Variants in DCDC1 observed in about 807,000 individuals in gnomAD.
DCDC1 encodes doublecortin domain-containing protein 1.
DCDC1 carries 200 observed loss-of-function variants against 178.3 expected under a neutral mutation model. The observed-to-expected ratio is 1.12, with a 90% CI of 1.00 to 1.26. The LOEUF is 1.26. Ranked by LOEUF, DCDC1 falls within the 50% of genes most tolerant of loss-of-function variation. The probability of loss-of-function intolerance (pLI) is 0.00; values close to 1 mark genes in which losing one functional copy is unlikely to be tolerated. For synonymous variants in DCDC1, 690 were observed against 604.8 expected (o/e 1.14, Z -2.07); for missense variants, 1,983 against 1,749.2 (o/e 1.13, Z -2.38).
chr11:31,186,510 T>G (rs1190441592), intron 9 of DCDC1, among the ~76,000 whole-genome samples: 1 of 152,180 alleles, frequency 6.6e-6, no homozygotes, highest in African/African-American at 2.4e-5. Flanking sequence ...AGCCATAGCC[T>G]TGCTTTCTTT....
At chr11:31,180,735 G>A (rs1342829954) in intron 9 of DCDC1, among the ~76,000 whole-genome samples, 2 of 152,076 alleles carry the variant, frequency 1.3e-5, no homozygotes, top group Non-Finnish European at 2.9e-5. Flanking sequence ...AGGTGCCTAC[G>A]CCACCAGGAC....
chr11:31,200,275 T>A (rs1971134614), intron 9 of DCDC1, among the ~76,000 whole-genome samples: 1 of 152,222 alleles, frequency 6.6e-6, no homozygotes, highest in East Asian at 1.9e-4. Flanking sequence ...TCTTCAGGAT[T>A]GAAATTTTAC....
chr11:31,019,993 A>G (rs1488054982), intron 20 of DCDC1, among the ~76,000 whole-genome samples: 1 of 151,706 alleles, frequency 6.6e-6, no homozygotes, highest in East Asian at 1.9e-4. Context: ...TCTTCATCCC[A>G]TCTCCCTTTC....
At chr11:31,164,205 A>C (rs1966576098) in intron 9 of DCDC1, among the ~76,000 whole-genome samples, 1 of 152,324 alleles carries the variant, frequency 6.6e-6, no homozygotes, top group East Asian at 1.9e-4. Context: ...TTTGATCAAC[A>C]GAACACATGT....
chr11:31,022,383 G>C (rs375647991), intron 20 of DCDC1, among the ~76,000 whole-genome samples: 1 of 151,972 alleles, frequency 6.6e-6, no homozygotes, highest in East Asian at 1.9e-4. Flanking sequence ...TTCTTCAAAG[G>C]ACACCAGTCG....
chr11:31,005,501 A>G (rs2135064335), intron 20 of DCDC1, among the ~76,000 whole-genome samples: 1 of 152,278 alleles, frequency 6.6e-6, no homozygotes, highest in South Asian at 2.1e-4. Flanking sequence ...CCTTTCAGCC[A>G]TTTCCATTCA....
intron 9 of DCDC1, among the ~76,000 whole-genome samples, chr11:31,186,877 G>A (rs1416720370): frequency 6.6e-6 from 1 of 152,168 alleles, no homozygotes. Flanking sequence ...TCTGTGGCCA[G>A]TTTGGTAATG....
At chr11:31,334,446 G>A (rs1950168075) in intron 2 of DCDC1, among the ~76,000 whole-genome samples, 2 of 152,180 alleles carry the variant, frequency 1.3e-5, no homozygotes, top group Non-Finnish European at 2.9e-5. Flanking sequence ...GCGATGCTTT[G>A]GAGGAGAAGA....
rs116454484 is a variant in DCDC1 at position 31,177,203 on chromosome 11, C to T, written c.1222-39419G>A. Among the ~76,000 whole-genome samples the T allele has an allele frequency of 5.3e-3, 810 of 151,828 alleles. 4 individuals are homozygous for T. Among genetic ancestry groups the T allele is most frequent in the African/African-American group, 0.019 (772 of 41,406 alleles). On this transcript the variant is annotated intron_variant, in intron 9 of 38. Transcript: ENST00000684477. ...TAGAATATTTTTATGAGACCAAAGG[C>T]GATTTGCTTTCAGGTTTAAACAATC...
At chr11:31,154,197 G>T (rs1207481574) in intron 9 of DCDC1, among the ~76,000 whole-genome samples, 5 of 152,136 alleles carry the variant, frequency 3.3e-5, no homozygotes, top group African/African-American at 9.7e-5. Context: ...AGGCCTCCCT[G>T]GCCATGCTTC....
chr11:31,264,851 A>C (rs1945036269), intron 8 of DCDC1, among the ~76,000 whole-genome samples: 1 of 152,114 alleles, frequency 6.6e-6, no homozygotes. Flanking sequence ...CTCTTCTCCA[A>C]ATACTTTATT....
intron 27 of DCDC1, among the ~76,000 whole-genome samples, chr11:30,914,650 A>G (rs868491304): frequency 0.013 from 1,947 of 150,046 alleles, 32 homozygotes; most frequent in African/African-American, 0.046. Context: ...AAAAAAAAAA[A>G]AAAGAGAGAG....
chr11:30,891,353 A>G (rs924370562), intron 36 of DCDC1, among the ~76,000 whole-genome samples: 3 of 152,180 alleles, frequency 2.0e-5, no homozygotes, highest in Non-Finnish European at 4.4e-5. Context: ...TATATGCTAC[A>G]CCAGAGTCAC....
chr11:30,950,513 C>T (rs900330568), intron 21 of DCDC1, among the ~76,000 whole-genome samples: 1 of 152,090 alleles, frequency 6.6e-6, no homozygotes, highest in African/African-American at 2.4e-5. Context: ...TAAAGTATTT[C>T]AGCCATAAAA....
chr11:30,986,921 G>C (rs1324300380), intron 20 of DCDC1, among the ~76,000 whole-genome samples: 1 of 152,120 alleles, frequency 6.6e-6, no homozygotes, highest in African/African-American at 2.4e-5. Flanking sequence ...TCTTTCTGAA[G>C]TGACCTAGTG....
chr11:31,028,695 T>C (rs1001580803), intron 20 of DCDC1, among the ~76,000 whole-genome samples: 4 of 152,006 alleles, frequency 2.6e-5, no homozygotes, highest in African/African-American at 4.8e-5. Flanking sequence ...GAAATAAACA[T>C]ACAAGATTGT....
At chr11:31,275,691 A>T (rs1166527851) in intron 7 of DCDC1, among the ~76,000 whole-genome samples, 2 of 152,178 alleles carry the variant, frequency 1.3e-5, no homozygotes, top group Admixed American at 1.3e-4. Context: ...TTTAGTAGAG[A>T]CAGGGTTTCT....
At chr11:31,062,194 G>C (rs1338577354) in intron 20 of DCDC1, among the ~76,000 whole-genome samples, 1 of 152,040 alleles carries the variant, frequency 6.6e-6, no homozygotes, top group African/African-American at 2.4e-5. Flanking sequence ...CCAGGATAAG[G>C]ATGAAAACCC....
At chr11:30,941,356 C>T (rs1218015953) in intron 21 of DCDC1, among the ~76,000 whole-genome samples, 1 of 152,186 alleles carries the variant, frequency 6.6e-6, no homozygotes, top group Non-Finnish European at 1.5e-5. Context: ...CTTATAATGA[C>T]ATGGAAGGCC....
Sources: gnomAD v4.1 joint callset for allele counts (sites outside exome capture counted in the v4.1 genomes callset) on GRCh38, gnomAD v4.1.1 for gene constraint, MANE v1.5 for transcripts, NCBI Gene and HGNC (gene_info 2026-07-23, HGNC 2026-07-21) for gene names.